Variants in SRGAP1 observed in about 807,000 individuals in gnomAD.
SRGAP1 encodes the protein SLIT-ROBO Rho GTPase-activating protein 1.
SRGAP1 carries 43 observed loss-of-function variants against 121.9 expected under a neutral mutation model. The ratio of observed to expected loss-of-function variants is 0.35; its 90% CI spans 0.28 to 0.46. The LOEUF (loss-of-function observed/expected upper bound fraction) is 0.46. Among genes scored for constraint, SRGAP1 ranks in the 20% least tolerant of loss-of-function variants. The pLI is 1.00. For synonymous variants in SRGAP1, 447 were observed against 485.4 expected (o/e 0.92, Z 1.04); for missense variants, 1,102 against 1,350.9 (o/e 0.82, Z 2.89).
intron 11 of SRGAP1, among the ~76,000 whole-genome samples, chr12:64,088,282 A>G (rs757192695): frequency 2.6e-5 from 4 of 152,208 alleles, no homozygotes; most frequent in Non-Finnish European, 4.4e-5. Flanking sequence ...TATTACCTCG[A>G]CCTGGTAATA....
intron 6 of SRGAP1, among the ~76,000 whole-genome samples, chr12:64,055,623 C>G (rs2035325852): frequency 6.6e-6 from 1 of 151,828 alleles, no homozygotes; most frequent in Non-Finnish European, 1.5e-5. Context: ...GCTACAGTAA[C>G]CAAAACAGCA....
intron 11 of SRGAP1, 111 bp from the exon 12 acceptor site, chr12:64,091,165 G>A (rs1281413447): frequency 5.4e-6 from 3 of 556,478 alleles, no homozygotes; most frequent in East Asian, 6.5e-5. Context: ...GTGATTGGGG[G>A]AGGGGAAGGA....
chr12:63,916,032 C>CTTT (rs140042368), intron 1 of SRGAP1, among the ~76,000 whole-genome samples: 26 of 125,188 alleles, frequency 2.1e-4, no homozygotes, highest in East Asian at 4.6e-4. Flanking sequence ...CTTTTCTTTT[C>CTTT]TTTTTTTTTT....
chr12:64,015,862 A>AT (rs1174330531), intron 3 of SRGAP1, among the ~76,000 whole-genome samples: 5 of 151,900 alleles, frequency 3.3e-5, no homozygotes, highest in Admixed American at 3.3e-4. Context: ...TATGCTACAC[A>AT]TTTTTTTTCC....
At chr12:64,121,510 C>G (rs1223337269) in intron 18 of SRGAP1, among the ~76,000 whole-genome samples, 1 of 152,186 alleles carries the variant, frequency 6.6e-6, no homozygotes, top group African/African-American at 2.4e-5. Flanking sequence ...CTGCCTCAGC[C>G]TCCCAAAATG....
At position 64,087,147 on chromosome 12, in the gene SRGAP1, G is replaced by A. The variant is rs2035961599; in HGVS notation, c.1436+121G>A. On this transcript the variant is annotated intron_variant, in intron 11 of 21. Coordinates refer to ENST00000355086, the MANE Select transcript of SRGAP1 (RefSeq NM_020762.4). ...TGAATACGGGAGATAGTTTTGGCTT[G>A]ACAAAGCATAGCAACATGAAATGTT... The A allele has an allele frequency of 3.8e-5, 26 of 690,950 alleles. 1 individual carries two copies. The South Asian group carries it at 5.5e-4, about 15-fold the overall frequency. The allele number at this position is 690,950 out of a possible 1,614,324, so 42.8% of individuals were successfully genotyped here. A position where few individuals can be genotyped will look rare whatever the true frequency, so the allele number is the denominator to read the frequency against.
At chr12:64,083,908 A>T (rs1449828219) in intron 10 of SRGAP1, among the ~76,000 whole-genome samples, 1 of 152,226 alleles carries the variant, frequency 6.6e-6, no homozygotes, top group Non-Finnish European at 1.5e-5. Context: ...ATCCTCATAC[A>T]ATCCATTGTC....
Position 63,996,044 on chromosome 12 carries a change from A to G in SRGAP1, c.426+5972A>G, listed in dbSNP as rs2033691413. Among the ~76,000 whole-genome samples, 2 of 151,872 alleles carry G rather than the reference A, an allele frequency of 1.3e-5. 1 individual carries two copies. The highest frequency in any genetic ancestry group is 4.2e-4 in the South Asian group (2 of 4,816). On this transcript the variant is annotated intron_variant, in intron 3 of 21. Coordinates refer to ENST00000355086, the MANE Select transcript of SRGAP1 (RefSeq NM_020762.4). ...TTTTTTTTTTTAAAAAAAGTACCAT[A>G]AGTTAAAAGCATCTGAAAACTACCA...
intron 1 of SRGAP1, 99 bp from the exon 2 acceptor site, chr12:63,983,833 TATATATATATATATA>T (rs2033335686): frequency 1.7e-5 from 2 of 118,864 alleles, no homozygotes; most frequent in Non-Finnish European, 3.2e-5. Context: ...TATATATATA[TATATATATATATATA>T]TATATATTTA....
At chr12:64,073,584 A>C (rs1329826436) in intron 8 of SRGAP1, among the ~76,000 whole-genome samples, 1 of 152,198 alleles carries the variant, frequency 6.6e-6, no homozygotes. Flanking sequence ...TAACCTACAC[A>C]CATTTTCCTA....
intron 1 of SRGAP1, among the ~76,000 whole-genome samples, chr12:63,883,916 A>C (rs1453350144): frequency 3.0e-4 from 45 of 149,976 alleles, no homozygotes; most frequent in Non-Finnish European, 6.1e-4. Flanking sequence ...TCTCGGCCTC[A>C]CAAAGTGCTG....
intron 3 of SRGAP1, among the ~76,000 whole-genome samples, chr12:64,009,361 T>A (rs1341419721): frequency 3.9e-5 from 6 of 152,138 alleles, no homozygotes; most frequent in Admixed American, 3.9e-4. Flanking sequence ...AAACAACTTT[T>A]CATGTGTTTC....
chr12:64,003,077 A>T (rs796811378), intron 3 of SRGAP1, among the ~76,000 whole-genome samples: 59 of 19,630 alleles, frequency 3.0e-3, no homozygotes, highest in African/African-American at 0.015. Flanking sequence ...GGAGGGAGGG[A>T]GGAAGGGAGG....
chr12:63,853,724 T>A (rs1360384569), intron 1 of SRGAP1, among the ~76,000 whole-genome samples: 1 of 152,242 alleles, frequency 6.6e-6, no homozygotes, highest in Non-Finnish European at 1.5e-5. Flanking sequence ...TTAACTTTCC[T>A]ATTTAGTATA....
At chr12:63,976,932 C>T (rs967139938) in intron 1 of SRGAP1, among the ~76,000 whole-genome samples, 3 of 151,988 alleles carry the variant, frequency 2.0e-5, no homozygotes, top group Admixed American at 6.6e-5. Context: ...TACATCCTGA[C>T]GCTTCCTAAT....
intron 4 of SRGAP1, among the ~76,000 whole-genome samples, chr12:64,024,534 CT>C (rs2034613001): frequency 6.6e-6 from 1 of 152,176 alleles, no homozygotes; most frequent in Non-Finnish European, 1.5e-5. Context: ...GTAAAACTTC[CT>C]GTTCAGTGTG....
At chr12:63,958,883 T>C (rs1219334762) in intron 1 of SRGAP1, among the ~76,000 whole-genome samples, 1 of 152,252 alleles carries the variant, frequency 6.6e-6, no homozygotes, top group African/African-American at 2.4e-5. Flanking sequence ...ATGGTGTGTC[T>C]ATTCATCAAG....
chr12:63,965,037 T>C (rs1037937255), intron 1 of SRGAP1, among the ~76,000 whole-genome samples: 2 of 152,222 alleles, frequency 1.3e-5, no homozygotes, highest in Non-Finnish European at 2.9e-5. Context: ...TAACGTTTTG[T>C]AGCCTTGGAC....
chr12:64,048,757 T>A (rs1393598792), intron 6 of SRGAP1, among the ~76,000 whole-genome samples: 2 of 152,200 alleles, frequency 1.3e-5, no homozygotes, highest in Non-Finnish European at 2.9e-5. Context: ...TGATCAGTGA[T>A]GTTGAGTACC....
Sources: allele counts gnomAD v4.1 joint callset (sites outside exome capture counted in the v4.1 genomes callset), GRCh38; gene constraint gnomAD v4.1.1; transcripts MANE v1.5; gene names NCBI Gene and HGNC (gene_info 2026-07-23, HGNC 2026-07-21).